Variants in COL8A1 observed in about 807,000 individuals in gnomAD.
COL8A1 encodes collagen alpha-1(VIII) chain.
COL8A1 carries 21 observed loss-of-function variants against 42.7 expected under a neutral mutation model. The observed-to-expected ratio is 0.49, with a 90% CI of 0.35 to 0.71. The LOEUF (loss-of-function observed/expected upper bound fraction) is 0.71. Among genes scored for constraint, COL8A1 ranks in the 30% least tolerant of loss-of-function variants. The pLI, the probability that COL8A1 is intolerant of heterozygous loss-of-function variation, is 0.01. For missense variants in COL8A1, 788 were observed against 962.4 expected (o/e 0.82, Z 2.40); for synonymous variants, 367 against 369.1 (o/e 0.99, Z 0.06).
At chr3:99,743,641 A>T (rs1299658615) in intron 1 of COL8A1, among the ~76,000 whole-genome samples, 1 of 152,214 alleles carries the variant, frequency 6.6e-6, no homozygotes, top group African/African-American at 2.4e-5. Flanking sequence ...AGTAAAACTA[A>T]AAATTAAGTT....
chr3:99,753,046 T>C (rs958095751), intron 2 of COL8A1, among the ~76,000 whole-genome samples: 8 of 152,276 alleles, frequency 5.3e-5, no homozygotes, highest in South Asian at 2.1e-4. Context: ...GGCAAAATGT[T>C]ATCTGAGGAC....
intron 1 of COL8A1, among the ~76,000 whole-genome samples, chr3:99,699,787 T>TC (rs1414293834): frequency 1.3e-5 from 2 of 152,050 alleles, no homozygotes; most frequent in South Asian, 2.1e-4. Flanking sequence ...TCTTTCTCTC[T>TC]CCCCCGTCCC....
chr3:99,644,575 G>A (rs764569806), intron 1 of COL8A1, among the ~76,000 whole-genome samples: 46 of 152,104 alleles, frequency 3.0e-4, no homozygotes, highest in Non-Finnish European at 1.0e-4. Context: ...CCATATCTCC[G>A]AAATAGTAAG....
intron 1 of COL8A1, among the ~76,000 whole-genome samples, chr3:99,689,832 A>G (rs553845623): frequency 6.6e-6 from 1 of 152,268 alleles, no homozygotes; most frequent in South Asian, 2.1e-4. Context: ...CATCTATTCA[A>G]CTTCCTCACA....
intron 2 of COL8A1, among the ~76,000 whole-genome samples, chr3:99,764,775 T>C (rs1941430516): frequency 6.7e-6 from 1 of 148,260 alleles, no homozygotes; most frequent in African/African-American, 2.5e-5. Flanking sequence ...TCTTGGTTCA[T>C]CTGCAACCTC....
At chr3:99,759,572 A>C (rs1941326472) in intron 2 of COL8A1, among the ~76,000 whole-genome samples, 1 of 152,220 alleles carries the variant, frequency 6.6e-6, no homozygotes, top group Non-Finnish European at 1.5e-5. Flanking sequence ...AGACACATCC[A>C]TGTTCAAACA....
intron 1 of COL8A1, among the ~76,000 whole-genome samples, chr3:99,665,724 C>T (rs1024850966): frequency 4.9e-5 from 7 of 142,788 alleles, no homozygotes; most frequent in South Asian, 2.2e-4. Context: ...TCTTTTTGCC[C>T]GGGCTGGAGG....
At chr3:99,711,265 G>GC (rs1387129559) in intron 1 of COL8A1, among the ~76,000 whole-genome samples, 2 of 151,972 alleles carry the variant, frequency 1.3e-5, no homozygotes, top group Non-Finnish European at 2.9e-5. Flanking sequence ...ACAAGAGAAA[G>GC]CCCCCCAAAA....
At position 99,783,134 on chromosome 3, in the gene COL8A1, G is replaced by T. The variant is rs1028760644; in HGVS notation, c.-3-7546G>T. 2.0e-5 allele frequency among the ~76,000 whole-genome samples: 3 copies of T among 152,146 alleles called. No individual in the cohort carries two copies. In the South Asian group the frequency reaches 6.2e-4, roughly 32 times the overall value. On this transcript the variant is annotated intron_variant, in intron 2 of 3. Coordinates refer to ENST00000652472, the MANE Select transcript of COL8A1 (RefSeq NM_020351.4). ...ACTTACAGTTCGGCAGAAGAGATTC[G>T]GATTAGATATTAGGAAATCTAATGT...
At chr3:99,767,084 T>C (rs192346399) in intron 2 of COL8A1, among the ~76,000 whole-genome samples, 31 of 152,356 alleles carry the variant, frequency 2.0e-4, no homozygotes, top group African/African-American at 7.5e-4. Context: ...ATAAGTGTAG[T>C]ACTGTGACAC....
intron 1 of COL8A1, chr3:99,691,670 G>C (rs1435408616): frequency 6.8e-6 from 1 of 146,208 alleles, no homozygotes; most frequent in Non-Finnish European, 1.5e-5. Flanking sequence ...TTCATTCTAA[G>C]GGAAGAATTA....
At chr3:99,724,533 G>C (rs554362662) in intron 1 of COL8A1, among the ~76,000 whole-genome samples, 1 of 152,026 alleles carries the variant, frequency 6.6e-6, no homozygotes, top group South Asian at 2.1e-4. Flanking sequence ...TTATTTCTTT[G>C]TGTTTATAGT....
intron 1 of COL8A1, among the ~76,000 whole-genome samples, chr3:99,712,486 G>C (rs1427173353): frequency 3.3e-5 from 5 of 152,150 alleles, no homozygotes; most frequent in African/African-American, 1.2e-4. Context: ...CCGGGCTCAT[G>C]ATTTATAGGC....
At chr3:99,695,914 A>G (rs984849061) in intron 1 of COL8A1, among the ~76,000 whole-genome samples, 2 of 152,204 alleles carry the variant, frequency 1.3e-5, no homozygotes, top group African/African-American at 4.8e-5. Flanking sequence ...TGGGCAGATC[A>G]CTAGAGGTCA....
Position 99,651,235 on chromosome 3 carries a change from T to C in COL8A1, c.-129+12571T>C, listed in dbSNP as rs114162819. Among the ~76,000 whole-genome samples, 729 of 152,302 alleles carry C rather than the reference T, an allele frequency of 4.8e-3. 2 individuals are homozygous for C. The highest frequency in any genetic ancestry group is 0.015 in the African/African-American group (629 of 41,556). ...TTTTCCCTTTGGGGAAAAAGCATGG[T>C]TTAAATACCTGCTGAGACATACAAT... On this transcript the variant is annotated intron_variant, in intron 1 of 3. Coordinates refer to ENST00000652472, the MANE Select transcript of COL8A1 (RefSeq NM_020351.4).
chr3:99,752,403 C>A (rs1482680972), intron 2 of COL8A1, among the ~76,000 whole-genome samples: 1 of 152,022 alleles, frequency 6.6e-6, no homozygotes, highest in Non-Finnish European at 1.5e-5. Flanking sequence ...CATGATCACT[C>A]TTCTACTACT....
intron 2 of COL8A1, among the ~76,000 whole-genome samples, chr3:99,785,332 T>C (rs1442322876): frequency 6.6e-6 from 1 of 152,210 alleles, no homozygotes; most frequent in Non-Finnish European, 1.5e-5. Context: ...ATGATGAGGA[T>C]CCATCAGTAA....
intron 1 of COL8A1, among the ~76,000 whole-genome samples, chr3:99,714,924 T>A (rs925155418): frequency 6.6e-6 from 1 of 152,110 alleles, no homozygotes; most frequent in Non-Finnish European, 1.5e-5. Context: ...AGGAATAATT[T>A]AAAAAATTGA....
rs114918913 is a variant in COL8A1 at position 99,666,316 on chromosome 3, C to T, written c.-129+27652C>T. Among the ~76,000 whole-genome samples the T allele has an allele frequency of 4.1e-3, 625 of 152,318 alleles. 3 individuals carry two copies. Among genetic ancestry groups the T allele is most frequent in the African/African-American group, 0.013 (557 of 41,578 alleles). Reference sequence around the variant, plus strand: ...ATAATGAGACAGTCTTTCATCTCTGCTTGCTGCAAGGTCCTTGAGCTCCTT... The same window carrying T: ...ATAATGAGACAGTCTTTCATCTCTGTTTGCTGCAAGGTCCTTGAGCTCCTT... On this transcript the variant is annotated intron_variant, in intron 1 of 3. Transcript: ENST00000652472.
Sources: gnomAD v4.1 joint callset for allele counts (sites outside exome capture counted in the v4.1 genomes callset) on GRCh38, gnomAD v4.1.1 for gene constraint, MANE v1.5 for transcripts, NCBI Gene and HGNC (gene_info 2026-07-23, HGNC 2026-07-21) for gene names.